Variants in UNC13C observed in about 807,000 individuals in gnomAD.
UNC13C encodes unc-13 homolog C.
UNC13C carries 174 observed loss-of-function variants against 245.4 expected under a neutral mutation model. That is an observed-to-expected ratio of 0.71 (90% CI 0.63 to 0.80). The LOEUF (loss-of-function observed/expected upper bound fraction) is 0.80, where lower values mean the gene tolerates loss of function less well. Ranked by LOEUF, UNC13C falls within the 30% of genes least tolerant of loss-of-function variation. The pLI, the probability that UNC13C is intolerant of heterozygous loss-of-function variation, is 0.00. For synonymous variants in UNC13C, 992 were observed against 895.1 expected (o/e 1.11, Z -1.93); for missense variants, 2,829 against 2,602.9 (o/e 1.09, Z -1.89).
chr15:54,608,930 ATAGT>A (rs1281872159), intron 30 of UNC13C, among the ~76,000 whole-genome samples: 5 of 152,144 alleles, frequency 3.3e-5, no homozygotes, highest in Admixed American at 3.3e-4. Context: ...TTTCTGTAGG[ATAGT>A]TAAATTTGTG....
At chr15:54,101,826 C>T (rs573872634) in intron 2 of UNC13C, among the ~76,000 whole-genome samples, 20 of 151,780 alleles carry the variant, frequency 1.3e-4, no homozygotes, top group South Asian at 1.0e-3. Context: ...CCTCATGATC[C>T]GCTCGCCTTG....
intron 5 of UNC13C, among the ~76,000 whole-genome samples, chr15:54,235,982 A>T (rs1472319693): frequency 1.3e-5 from 2 of 151,814 alleles, no homozygotes; most frequent in Non-Finnish European, 2.9e-5. Flanking sequence ...CCACCTTGAT[A>T]AATGCAAAAA....
intron 17 of UNC13C, among the ~76,000 whole-genome samples, chr15:54,346,145 G>A (rs1478230979): frequency 1.3e-5 from 2 of 152,078 alleles, no homozygotes; most frequent in Non-Finnish European, 2.9e-5. Flanking sequence ...CGGCTAAACC[G>A]TGAGTTTCAT....
intron 10 of UNC13C, among the ~76,000 whole-genome samples, chr15:54,285,441 G>T (rs1248050961): frequency 2.0e-5 from 3 of 152,208 alleles, no homozygotes; most frequent in Admixed American, 2.0e-4. Flanking sequence ...TATTGCAATA[G>T]AAGTGGGTTA....
intron 9 of UNC13C, among the ~76,000 whole-genome samples, chr15:54,264,708 A>C (rs2140890505): frequency 6.6e-6 from 1 of 151,926 alleles, no homozygotes; most frequent in Admixed American, 6.6e-5. Flanking sequence ...AGTAGCTAAT[A>C]ATCTGTTCAG....
At chr15:53,909,323 T>G in the UNC13C span, among the ~76,000 whole-genome samples, 7 of 146,864 alleles carry the variant, frequency 4.8e-5, 1 homozygote, top group Non-Finnish European at 1.1e-4. Context: ...TCAGCACATA[T>G]TAAATGATAT....
chr15:54,562,874 G>A (rs534388870), intron 29 of UNC13C, among the ~76,000 whole-genome samples: 1 of 152,078 alleles, frequency 6.6e-6, no homozygotes, highest in African/African-American at 2.4e-5. Context: ...TATACCAGAT[G>A]TGTTCTAACC....
At chr15:54,505,283 C>T (rs531259160) in intron 22 of UNC13C, among the ~76,000 whole-genome samples, 10 of 152,144 alleles carry the variant, frequency 6.6e-5, no homozygotes, top group African/African-American at 2.4e-4. Flanking sequence ...GCCAGGTGCC[C>T]CGTCCATCAC....
intron 19 of UNC13C, among the ~76,000 whole-genome samples, chr15:54,456,590 TTTTATTTA>T (rs71105811): frequency 0.07 from 9,975 of 142,722 alleles, 399 homozygotes; most frequent in Admixed American, 0.13. Flanking sequence ...CTCCTATGTA[TTTTATTTA>T]TTTATTTATT....
intron 13 of UNC13C, among the ~76,000 whole-genome samples, chr15:54,313,140 A>G (rs551128504): frequency 2.6e-5 from 4 of 151,896 alleles, no homozygotes; most frequent in Non-Finnish European, 5.9e-5. Context: ...TACTGGCCTA[A>G]TGCTTTAAAA....
chr15:54,276,354 C>G (rs1486929456), intron 10 of UNC13C, among the ~76,000 whole-genome samples: 2 of 152,038 alleles, frequency 1.3e-5, no homozygotes, highest in Non-Finnish European at 2.9e-5. Context: ...ATAACTCATT[C>G]ACTGTGTTAG....
intron 2 of UNC13C, among the ~76,000 whole-genome samples, chr15:54,034,366 C>G (rs1896485359): frequency 6.6e-6 from 1 of 152,180 alleles, no homozygotes; most frequent in African/African-American, 2.4e-5. Context: ...AAGTCTGTCT[C>G]TCTCTGGGGC....
At chr15:54,361,097 G>T (rs934860892) in intron 17 of UNC13C, among the ~76,000 whole-genome samples, 2 of 151,908 alleles carry the variant, frequency 1.3e-5, no homozygotes, top group African/African-American at 4.8e-5. Context: ...ATTAATATTT[G>T]GTGAAACTTA....
At chr15:54,455,888 T>C (rs1052432380) in intron 19 of UNC13C, among the ~76,000 whole-genome samples, 1 of 152,168 alleles carries the variant, frequency 6.6e-6, no homozygotes, top group African/African-American at 2.4e-5. Flanking sequence ...ATCCCATCTA[T>C]ATATCTTTGT....
chr15:54,602,729 A>T (rs990993419), intron 30 of UNC13C, among the ~76,000 whole-genome samples: 1 of 152,192 alleles, frequency 6.6e-6, no homozygotes, highest in East Asian at 1.9e-4. Context: ...CATACGTCTC[A>T]TCAGTCACAG....
At chr15:54,008,016 T>C (rs2140984261) in intron 1 of UNC13C, among the ~76,000 whole-genome samples, 1 of 152,366 alleles carries the variant, frequency 6.6e-6, no homozygotes, top group South Asian at 2.1e-4. Flanking sequence ...TAAAATACTT[T>C]ACTGCATTTA....
chr15:54,550,063 G>C (rs116058706), intron 28 of UNC13C, among the ~76,000 whole-genome samples: 2 of 152,076 alleles, frequency 1.3e-5, no homozygotes, highest in Admixed American at 6.6e-5. Context: ...ATTACAAGTG[G>C]GAGATGTTCT....
intron 8 of UNC13C, among the ~76,000 whole-genome samples, chr15:54,251,232 C>T (rs1320136358): frequency 1.7e-4 from 26 of 152,164 alleles, no homozygotes; most frequent in Non-Finnish European, 1.5e-5. Flanking sequence ...TCTACAGTTC[C>T]TGCACAGGCC....
At chr15:54,622,634 C>T (rs1900868284) in intron 31 of UNC13C, among the ~76,000 whole-genome samples, 2 of 151,720 alleles carry the variant, frequency 1.3e-5, no homozygotes, top group South Asian at 2.1e-4. Context: ...TATAAATACA[C>T]TGATTAAATA....
Sources: gnomAD v4.1 joint callset for allele counts (sites outside exome capture counted in the v4.1 genomes callset) on GRCh38, gnomAD v4.1.1 for gene constraint, MANE v1.5 for transcripts, NCBI Gene and HGNC (gene_info 2026-07-23, HGNC 2026-07-21) for gene names.